ATP6V1B1: variants seen among roughly 807,000 people sequenced by gnomAD.
The protein encoded by ATP6V1B1 is ATPase H+ transporting V1 subunit B1.
ATP6V1B1 carries 41 observed loss-of-function variants against 62.1 expected under a neutral mutation model. That is an observed-to-expected ratio of 0.66 (90% CI 0.51 to 0.86). ATP6V1B1 has a LOEUF of 0.86. Ranked by LOEUF, ATP6V1B1 falls within the 40% of genes least tolerant of loss-of-function variation. ATP6V1B1 has a pLI of 0.00. For synonymous variants in ATP6V1B1, 253 were observed against 273.4 expected (o/e 0.93, Z 0.74); for missense variants, 651 against 697.5 (o/e 0.93, Z 0.75).
chr2:70,943,988 G>C lies in ATP6V1B1; in HGVS notation c.174+275G>C, dbSNP rs931294530. The C allele has an allele frequency of 1.4e-5, 14 of 982,850 alleles. No individual in the cohort carries two copies. The Admixed American group carries it at 3.7e-4, about 26-fold the overall frequency. The allele number at this position is 982,850 out of a possible 1,614,324, so 60.9% of individuals were successfully genotyped here. A position where few individuals can be genotyped will look rare whatever the true frequency, so the allele number is the denominator to read the frequency against. ...AACCTCCTACTATCCCTAACAAGCTGTCCTGCCTCCGTTTCCCTATCAGTG... is the reference window on the plus strand; with the variant it reads ...AACCTCCTACTATCCCTAACAAGCTCTCCTGCCTCCGTTTCCCTATCAGTG... On this transcript the variant is annotated intron_variant, in intron 2 of 13. Coordinates refer to ENST00000234396, the MANE Select transcript of ATP6V1B1 (RefSeq NM_001692.4).
intron 1 of ATP6V1B1, chr2:70,938,534 G>T: frequency 1.0e-6 from 1 of 985,020 alleles, no homozygotes; most frequent in Non-Finnish European, 1.2e-6. Context: ...CCCCTCCCCC[G>T]GGGGAGGTGG....
chr2:70,963,083 G>T lies in ATP6V1B1; in HGVS notation c.910-79G>T, dbSNP rs1177137643. The T allele has an allele frequency of 1.9e-6, 3 of 1,607,792 alleles. No homozygotes were observed. The highest frequency in any genetic ancestry group is 2.6e-6 in the Non-Finnish European group (3 of 1,176,258). ...TGCCCCCCACTCCATTTCTCACAGG[G>T]TCACTGAACCTCCCACCCACCCTTC... On this transcript the variant is annotated intron_variant, in intron 9 of 13. Coordinates refer to ENST00000234396, the MANE Select transcript of ATP6V1B1 (RefSeq NM_001692.4). The surrounding 1 kb of genome is among the most constrained non-coding windows in gnomAD (Gnocchi z 4.3).
intron 2 of ATP6V1B1, among the ~76,000 whole-genome samples, chr2:70,949,540 A>G (rs1359630194): frequency 6.6e-6 from 1 of 152,222 alleles, no homozygotes; most frequent in Non-Finnish European, 1.5e-5. Flanking sequence ...CATTTCCACC[A>G]ACCAGGTATG....
Position 70,964,481 on chromosome 2 carries a change from T to G in ATP6V1B1, c.1187T>G (p.Met396Arg). ...INVLPSLSRLMKSAIGEGMTR... is the reference protein window; with the variant it reads ...INVLPSLSRLRKSAIGEGMTR... Reference sequence around the variant, plus strand: ...GTGCTCCCTTCCCTGTCGCGGCTGATGAAGTCAGCCATTGGGGAAGGCATG... The same window carrying G: ...GTGCTCCCTTCCCTGTCGCGGCTGAGGAAGTCAGCCATTGGGGAAGGCATG... The change falls in exon 12 of 14, where the codon ATG becomes AGG. Residue 396 changes from methionine to arginine, a missense_variant. Physicochemically the swap from Met to Arg is moderately conservative, Grantham distance 91. Transcript: ENST00000234396. 6.2e-7 allele frequency: 1 copy of G among 1,614,126 alleles called. No individual in the cohort carries two copies. The highest frequency in any genetic ancestry group is 8.5e-7 in the Non-Finnish European group (1 of 1,180,028).
chr2:70,957,549 C>A (rs1680468897), intron 2 of ATP6V1B1, among the ~76,000 whole-genome samples: 1 of 152,112 alleles, frequency 6.6e-6, no homozygotes, highest in African/African-American at 2.4e-5. Flanking sequence ...TACCCCTAGT[C>A]CACAGAGGCA....
At chr2:70,946,548 T>G (rs1251426151) in intron 2 of ATP6V1B1, among the ~76,000 whole-genome samples, 2 of 152,222 alleles carry the variant, frequency 1.3e-5, no homozygotes, top group East Asian at 3.8e-4. Flanking sequence ...GATGCTCAAG[T>G]TAGAGAACCA....
At chr2:70,944,850 G>A (rs1680115618) in intron 2 of ATP6V1B1, among the ~76,000 whole-genome samples, 1 of 151,958 alleles carries the variant, frequency 6.6e-6, no homozygotes, top group Non-Finnish European at 1.5e-5. Context: ...TTGTTTTTTA[G>A]CAGAGACGGG....
chr2:70,944,513 C>T (rs1680098149), intron 2 of ATP6V1B1, among the ~76,000 whole-genome samples: 1 of 152,032 alleles, frequency 6.6e-6, no homozygotes, highest in African/African-American at 2.4e-5. Flanking sequence ...ATGTCTGTAG[C>T]TCCCTCCCAC....
rs782373387 is a variant in ATP6V1B1 at position 70,965,132 on chromosome 2, C to T, written c.*11C>T. 1 of 1,606,904 alleles carries T rather than the reference C, an allele frequency of 6.2e-7. No homozygotes were observed. The highest frequency in any genetic ancestry group is 2.2e-5 in the East Asian group (1 of 44,860). On this transcript the variant is annotated 3_prime_UTR_variant, in exon 14 of 14. Transcript: ENST00000234396. ...GACACTGCGCTCTAGCCCCGCGCGCCGTGGCACCCCAACACCGGCAGGGAA... is the reference window on the plus strand; with the variant it reads ...GACACTGCGCTCTAGCCCCGCGCGCTGTGGCACCCCAACACCGGCAGGGAA...
chr2:70,964,114 ATT>A (rs66905923), intron 11 of ATP6V1B1: 1,656 of 126,432 alleles, frequency 0.013, 4 homozygotes, highest in Middle Eastern at 0.015. Flanking sequence ...CTTGGCAGGT[ATT>A]TTTTTTTTTT....
At chr2:70,964,891 C>T in intron 13 of ATP6V1B1, 26 bp downstream of exon 13, 1 of 1,614,014 alleles carries the variant, frequency 6.2e-7, no homozygotes, top group Non-Finnish European at 8.5e-7. Context: ...GGTGTGGAGC[C>T]AGTAACCTCT....
rs45498896 is a variant in ATP6V1B1, at chr2:70,965,127, C to A, written c.*6C>A. 26,840 of 1,607,700 alleles carry A rather than the reference C, an allele frequency of 0.017. 310 individuals are homozygous for A. The highest frequency in any genetic ancestry group is 0.019 in the Non-Finnish European group (22,897 of 1,179,832). Reference sequence around the variant, plus strand: ...CGCCTGACACTGCGCTCTAGCCCCGCGCGCCGTGGCACCCCAACACCGGCA... The same window carrying A: ...CGCCTGACACTGCGCTCTAGCCCCGAGCGCCGTGGCACCCCAACACCGGCA... On this transcript the variant is annotated 3_prime_UTR_variant, in exon 14 of 14. Coordinates refer to ENST00000234396, the MANE Select transcript of ATP6V1B1 (RefSeq NM_001692.4).
chr2:70,941,814 C>T (rs1680010394), intron 1 of ATP6V1B1: 1 of 985,792 alleles, frequency 1.0e-6, no homozygotes. Flanking sequence ...GGTCTGAGAG[C>T]GAGGAGTGTG....
chr2:70,951,665 C>T (rs1553418316), intron 2 of ATP6V1B1, among the ~76,000 whole-genome samples: 1 of 151,964 alleles, frequency 6.6e-6, no homozygotes, highest in East Asian at 1.9e-4. Context: ...CCCAGCACTT[C>T]AGGACGCCGA....
intron 2 of ATP6V1B1, chr2:70,943,982 C>G: frequency 1.0e-6 from 1 of 980,854 alleles, no homozygotes. Context: ...CTATCCCTAA[C>G]AAGCTGTCCT....
At chr2:70,942,826 AG>A (rs1680036922) in intron 1 of ATP6V1B1, among the ~76,000 whole-genome samples, 1 of 152,256 alleles carries the variant, frequency 6.6e-6, no homozygotes, top group Non-Finnish European at 1.5e-5. Flanking sequence ...GTGCATCACA[AG>A]AACCTCAGAG....
intron 1 of ATP6V1B1, among the ~76,000 whole-genome samples, chr2:70,937,122 G>A (rs55979055): frequency 0.098 from 2,519 of 25,646 alleles, 500 homozygotes; most frequent in African/African-American, 0.21. Context: ...CAGCTATGCA[G>A]AGCCAGAGGC....
chr2:70,942,935 GCTT>G (rs1480512911), intron 1 of ATP6V1B1, among the ~76,000 whole-genome samples: 4 of 152,220 alleles, frequency 2.6e-5, no homozygotes, highest in Non-Finnish European at 5.9e-5. Context: ...CAAGTCCACA[GCTT>G]CTTCTATGGG....
intron 6 of ATP6V1B1, 50 bp downstream of exon 6, chr2:70,960,128 G>A (rs1553419793): frequency 3.1e-6 from 5 of 1,609,634 alleles, no homozygotes; most frequent in South Asian, 1.1e-5. Flanking sequence ...ACAGAGCAGA[G>A]GCTGGGGCTG....
Sources: allele counts gnomAD v4.1 joint callset (sites outside exome capture counted in the v4.1 genomes callset), GRCh38; gene constraint gnomAD v4.1.1; non-coding constraint Gnocchi (gnomAD v3.1); transcripts MANE v1.5; gene names NCBI Gene and HGNC (gene_info 2026-07-23, HGNC 2026-07-21).